SLC35F1: variants seen among roughly 807,000 people sequenced by gnomAD.
SLC35F1 encodes solute carrier family 35 member F1, also known as chromosome 6 open reading frame 169.
SLC35F1 carries 14 observed loss-of-function variants against 48.7 expected under a neutral mutation model. The observed-to-expected ratio is 0.29, with a 90% confidence interval of 0.19 to 0.45. The LOEUF is 0.45. Ranked by LOEUF, SLC35F1 falls within the 20% of genes least tolerant of loss-of-function variation. The probability of loss-of-function intolerance (pLI) is 1.00; values close to 1 mark genes in which losing one functional copy is unlikely to be tolerated. For missense variants in SLC35F1, 404 were observed against 500.0 expected, an observed-to-expected ratio of 0.81 and a Z score of 1.83; for synonymous variants, 190 against 202.2, an observed-to-expected ratio of 0.94 and a Z score of 0.51.
chr6:117,908,974 T>A (rs1319468419), intron 1 of SLC35F1, among the ~76,000 whole-genome samples: 1 of 152,182 alleles, frequency 6.6e-6, no homozygotes, highest in Non-Finnish European at 1.5e-5. Flanking sequence ...ACAAACTATG[T>A]ACAGAAATAG....
chr6:117,974,765 G>T lies in SLC35F1; in HGVS notation c.173+66866G>T, dbSNP rs553646686. Among the ~76,000 whole-genome samples, 4 of 152,294 alleles carry T rather than the reference G, an allele frequency of 2.6e-5. No homozygotes were observed. In the East Asian group the frequency reaches 7.7e-4, roughly 29 times the overall value. On this transcript the variant is annotated intron_variant, in intron 1 of 7. Coordinates refer to ENST00000360388, the MANE Select transcript of SLC35F1 (RefSeq NM_001029858.4). ...AAAGAACAAAAGTAAGCCCATGTGG[G>T]TTAATCTAAATAATGCTTTTTAAAT...
chr6:118,125,056 G>C (rs79991307), intron 1 of SLC35F1, among the ~76,000 whole-genome samples: 1,983 of 152,250 alleles, frequency 0.013, 36 homozygotes, highest in African/African-American at 0.044. Flanking sequence ...CCAGAATCTT[G>C]ATGGCATAAG....
chr6:118,303,531 A>T (rs1776277957), intron 7 of SLC35F1, among the ~76,000 whole-genome samples: 1 of 152,120 alleles, frequency 6.6e-6, no homozygotes, highest in Non-Finnish European at 1.5e-5. Flanking sequence ...TACCTACTAA[A>T]CCTCCTCACA....
intron 1 of SLC35F1, among the ~76,000 whole-genome samples, chr6:118,070,163 A>AAAG (rs1554226037): frequency 1.3e-5 from 2 of 151,040 alleles, no homozygotes; most frequent in South Asian, 2.1e-4. Context: ...AAAAAAAAAA[A>AAAG]GAATGTTCAT....
At chr6:118,267,967 A>T (rs1011896254) in intron 4 of SLC35F1, among the ~76,000 whole-genome samples, 1 of 152,282 alleles carries the variant, frequency 6.6e-6, no homozygotes, top group African/African-American at 2.4e-5. Flanking sequence ...TAGAAATGGG[A>T]TAGAAAGTAC....
intron 4 of SLC35F1, among the ~76,000 whole-genome samples, chr6:118,274,810 A>AC (rs1236226274): frequency 6.6e-6 from 1 of 152,212 alleles, no homozygotes; most frequent in East Asian, 1.9e-4. Context: ...GAAAATTTCA[A>AC]CCCATAAATC....
At chr6:117,971,681 T>C (rs561500331) in intron 1 of SLC35F1, among the ~76,000 whole-genome samples, 1 of 152,362 alleles carries the variant, frequency 6.6e-6, no homozygotes, top group East Asian at 1.9e-4. Context: ...GCAGGCCCAA[T>C]GCCACATGTA....
intron 7 of SLC35F1, 92 bp downstream of exon 7, chr6:118,285,430 T>C: frequency 7.0e-7 from 1 of 1,429,774 alleles, no homozygotes; most frequent in Non-Finnish European, 9.8e-7. Context: ...TGCCCTGATT[T>C]TGTGTAGGGA....
chr6:118,221,338 A>G (rs1272439884), intron 2 of SLC35F1, among the ~76,000 whole-genome samples: 5 of 152,202 alleles, frequency 3.3e-5, no homozygotes, highest in Non-Finnish European at 5.9e-5. Context: ...CCGCAAAAAC[A>G]GAATGCCGGG....
intron 1 of SLC35F1, among the ~76,000 whole-genome samples, chr6:118,022,331 G>C (rs1402004947): frequency 6.6e-6 from 1 of 152,176 alleles, no homozygotes; most frequent in Non-Finnish European, 1.5e-5. Flanking sequence ...GCAAAGTGAT[G>C]AACACATGTG....
At chr6:117,941,667 A>G (rs1054238647) in intron 1 of SLC35F1, among the ~76,000 whole-genome samples, 2 of 152,216 alleles carry the variant, frequency 1.3e-5, no homozygotes, top group African/African-American at 4.8e-5. Flanking sequence ...TAATATTGCA[A>G]TAGATTAGTT....
Position 117,923,718 on chromosome 6 carries a change from C to CAT in SLC35F1, c.173+15825_173+15826dup, listed in dbSNP as rs200367846. On this transcript the variant is annotated intron_variant, in intron 1 of 7. Transcript: ENST00000360388. ...ACATATACATATATGTACATATATA[C>CAT]ATATATACATATGTATATATACATA... Among the ~76,000 whole-genome samples the CAT allele has an allele frequency of 2.7e-4, 2 of 7,394 alleles. 1 individual carries two copies. The highest frequency in any genetic ancestry group is 6.0e-4 in the Non-Finnish European group (2 of 3,334). The allele number at this position is 7,394 out of a possible 152,430, so 4.9% of individuals were successfully genotyped here. A position where few individuals can be genotyped will look rare whatever the true frequency, so the allele number is the denominator to read the frequency against.
chr6:117,949,454 G>A (rs1010397240), intron 1 of SLC35F1, among the ~76,000 whole-genome samples: 9 of 151,374 alleles, frequency 5.9e-5, no homozygotes, highest in Non-Finnish European at 1.5e-5. Context: ...TATTTTTTTC[G>A]AGTAGTTATT....
intron 2 of SLC35F1, among the ~76,000 whole-genome samples, chr6:118,233,048 C>T (rs1251572007): frequency 6.6e-6 from 1 of 152,078 alleles, no homozygotes; most frequent in African/African-American, 2.4e-5. Context: ...TCACTGCAAC[C>T]TCCGCCTCCT....
At chr6:118,061,584 G>GTATA (rs1358869588) in intron 1 of SLC35F1, among the ~76,000 whole-genome samples, 1 of 87,382 alleles carries the variant, frequency 1.1e-5, no homozygotes, top group Non-Finnish European at 2.7e-5. Flanking sequence ...GTGTGTGTGT[G>GTATA]TGTGTGTATA....
chr6:117,929,831 G>A (rs1776077473), intron 1 of SLC35F1, among the ~76,000 whole-genome samples: 1 of 152,142 alleles, frequency 6.6e-6, no homozygotes, highest in Admixed American at 6.6e-5. Flanking sequence ...CCATAGCTTA[G>A]CCAAGCTGAC....
intron 2 of SLC35F1, among the ~76,000 whole-genome samples, chr6:118,199,377 A>G (rs1774843393): frequency 6.6e-6 from 1 of 152,110 alleles, no homozygotes. Flanking sequence ...TTGTTCTGAA[A>G]CCTGCCTTAT....
chr6:118,057,069 G>C (rs1772473246), intron 1 of SLC35F1, among the ~76,000 whole-genome samples: 1 of 152,144 alleles, frequency 6.6e-6, no homozygotes, highest in South Asian at 2.1e-4. Flanking sequence ...GTAGTAATGA[G>C]ATAATTGCAT....
intron 1 of SLC35F1, among the ~76,000 whole-genome samples, chr6:118,029,423 T>G (rs1490537202): frequency 6.6e-6 from 1 of 152,162 alleles, no homozygotes; most frequent in Admixed American, 6.5e-5. Flanking sequence ...TACCATGTAT[T>G]GCTAGAATTG....
Sources: allele counts gnomAD v4.1 joint callset (sites outside exome capture counted in the v4.1 genomes callset), GRCh38; gene constraint gnomAD v4.1.1; transcripts MANE v1.5; gene names NCBI Gene and HGNC (gene_info 2026-07-23, HGNC 2026-07-21).